The following MCOLN2 variants were observed in gnomAD, a reference collection of about 807,000 sequenced individuals.
MCOLN2 encodes the protein mucolipin-2.
Under a neutral mutation model 67.5 loss-of-function variants are expected in MCOLN2, and 57 were observed. That is an observed-to-expected ratio of 0.84 (90% confidence interval 0.68 to 1.05). The LOEUF (loss-of-function observed/expected upper bound fraction) is 1.05. Ranked by LOEUF, MCOLN2 falls within the 50% of genes least tolerant of loss-of-function variation. The pLI is 0.00. For missense variants in MCOLN2, 620 were observed against 678.8 expected, an observed-to-expected ratio of 0.91 and a Z score of 0.96; for synonymous variants, 246 against 233.3, an observed-to-expected ratio of 1.05 and a Z score of -0.50.
chr1:84,939,450 G>T, intron 9 of MCOLN2, 103 bp downstream of exon 9: 1 of 1,151,828 alleles, frequency 8.7e-7, no homozygotes, highest in Non-Finnish European at 1.3e-6. Context: ...GAAAAGGGAA[G>T]ACACGAGAAT....
chr1:84,946,479 G>A (rs1317051516), intron 7 of MCOLN2, among the ~76,000 whole-genome samples: 2 of 152,068 alleles, frequency 1.3e-5, no homozygotes, highest in East Asian at 3.8e-4. Flanking sequence ...TATCCAGAAT[G>A]ATTTGGGACC....
At chr1:84,952,198 A>G (rs1486397868) in intron 6 of MCOLN2, 45 bp downstream of exon 6, 1 of 1,355,648 alleles carries the variant, frequency 7.4e-7, no homozygotes, top group South Asian at 1.3e-5. Flanking sequence ...CAAAAAGTGT[A>G]GGAAAAAAAT....
rs541560554 is a variant in MCOLN2, at chr1:84,926,653, A to G, written c.*32T>C. 4.4e-5 allele frequency: 68 copies of G among 1,539,902 alleles called. 1 individual carries two copies. In the South Asian group the frequency reaches 8.0e-4, roughly 18 times the overall value. On this transcript the variant is annotated 3_prime_UTR_variant, in exon 14 of 14. Transcript: ENST00000370608. ...TCCTCTGCTCAGCCGCTGGATAAGG[A>G]TGCCTGAACTTTAATCATCTTTAGC...
rs1011953186 is a variant in MCOLN2, at chr1:84,928,868, A to G, written c.1664+690T>C. On this transcript the variant is annotated intron_variant, in intron 13 of 13. Coordinates refer to ENST00000370608, the MANE Select transcript of MCOLN2 (RefSeq NM_153259.4). The stretch of plus-strand genomic sequence containing the variant: ...ATAGCTTCCTTCAGGAATTTGGGTT[A>G]CAGAGTCCTTCCAAAAAGAAAAAAC... Among the ~76,000 whole-genome samples the G allele has an allele frequency of 2.6e-5, 4 of 152,222 alleles. No individual in the cohort carries two copies. In the South Asian group the frequency reaches 8.3e-4, roughly 32 times the overall value.
rs533881248 is a variant in MCOLN2 at position 84,957,868 on chromosome 1, C to T, written c.411+661G>A. ...GATGCATCCTCAATGACTGGAATAA[C>T]ACCTGCTACATATTAGATACTTCAA... On this transcript the variant is annotated intron_variant, in intron 3 of 13. Transcript: ENST00000370608. 5.3e-5 allele frequency among the ~76,000 whole-genome samples: 8 copies of T among 152,322 alleles called. No individual in the cohort carries two copies. The East Asian group carries it at 5.8e-4, about 11-fold the overall frequency.
At chr1:84,964,313 G>GT (rs1284622093) in intron 2 of MCOLN2, among the ~76,000 whole-genome samples, 4 of 152,120 alleles carry the variant, frequency 2.6e-5, no homozygotes, top group African/African-American at 9.7e-5. Flanking sequence ...GTATTTTTAA[G>GT]TATTTATTTT....
At chr1:84,947,939 C>A (rs1470396072) in intron 6 of MCOLN2, among the ~76,000 whole-genome samples, 1 of 152,252 alleles carries the variant, frequency 6.6e-6, no homozygotes, top group Non-Finnish European at 1.5e-5. Context: ...CCCCTTCCTG[C>A]CCCTGCCCCT....
intron 3 of MCOLN2, among the ~76,000 whole-genome samples, chr1:84,957,839 C>T (rs1648874344): frequency 6.6e-6 from 1 of 152,292 alleles, no homozygotes; most frequent in East Asian, 1.9e-4. Flanking sequence ...CTGTTTTATT[C>T]ACTGATGCAT....
intron 11 of MCOLN2, among the ~76,000 whole-genome samples, chr1:84,935,401 G>A (rs1208756107): frequency 6.6e-6 from 1 of 152,144 alleles, no homozygotes; most frequent in Non-Finnish European, 1.5e-5. Context: ...GGGGTATAAA[G>A]GAAAGCTAAC....
rs528410844 is a variant in MCOLN2 at position 84,958,301 on chromosome 1, AG to A, written c.411+227del. Among the ~76,000 whole-genome samples the A allele has an allele frequency of 1.4e-4, 21 of 152,366 alleles. No homozygotes were observed. In the South Asian group the frequency reaches 3.3e-3, roughly 24 times the overall value. On this transcript the variant is annotated intron_variant, in intron 3 of 13. Transcript: ENST00000370608. ...TCTGGGGTAATTTTCCAAAAGCAGTAGGTATGAAGTGATAAATTAAAAAGAT... is the reference window on the plus strand; with the variant it reads ...TCTGGGGTAATTTTCCAAAAGCAGTAGTATGAAGTGATAAATTAAAAAGAT...
intron 1 of MCOLN2, among the ~76,000 whole-genome samples, chr1:84,982,765 C>A (rs914332887): frequency 2.0e-5 from 3 of 152,148 alleles, no homozygotes; most frequent in African/African-American, 4.8e-5. Context: ...TACAGTGGTG[C>A]GATCTTGACT....
At chr1:84,985,076 A>T (rs145209382) in intron 1 of MCOLN2, among the ~76,000 whole-genome samples, 1 of 151,996 alleles carries the variant, frequency 6.6e-6, no homozygotes, top group African/African-American at 2.4e-5. Flanking sequence ...AAACTTCTAC[A>T]TGGTCATATT....
chr1:84,938,141 T>G, intron 9 of MCOLN2, 59 bp from the exon 10 acceptor site: 1 of 1,242,718 alleles, frequency 8.0e-7, no homozygotes, highest in Non-Finnish European at 1.2e-6. Flanking sequence ...CCACTTAGCT[T>G]ATTAGCCTTA....
chr1:84,989,761 G>C (rs1404233045), intron 1 of MCOLN2, among the ~76,000 whole-genome samples: 1 of 152,058 alleles, frequency 6.6e-6, no homozygotes, highest in African/African-American at 2.4e-5. Flanking sequence ...TATTTACACA[G>C]GCAAAAGTTA....
chr1:84,990,911 G>C (rs533740422), intron 1 of MCOLN2, among the ~76,000 whole-genome samples: 2 of 151,758 alleles, frequency 1.3e-5, no homozygotes, highest in Non-Finnish European at 2.9e-5. Flanking sequence ...CTCCAGCCTG[G>C]GTGACAGAAC....
chr1:84,975,514 A>C (rs918633575), intron 1 of MCOLN2, among the ~76,000 whole-genome samples: 4 of 152,210 alleles, frequency 2.6e-5, no homozygotes, highest in Admixed American at 2.6e-4. Flanking sequence ...CTTAGATCAC[A>C]ATGCCCAAGT....
intron 9 of MCOLN2, among the ~76,000 whole-genome samples, chr1:84,938,913 T>C (rs1178459233): frequency 6.6e-6 from 1 of 151,800 alleles, no homozygotes; most frequent in Non-Finnish European, 1.5e-5. Flanking sequence ...ATCTCAGGGG[T>C]ATGAAGTAGA....
chr1:84,956,325 C>T, intron 4 of MCOLN2, 106 bp downstream of exon 4: 2 of 1,112,110 alleles, frequency 1.8e-6, no homozygotes, highest in Non-Finnish European at 1.3e-6. Flanking sequence ...AACAGGTTAG[C>T]TCTCACCAAA....
chr1:84,969,386 C>T (rs1312247620), intron 1 of MCOLN2, among the ~76,000 whole-genome samples: 1 of 152,078 alleles, frequency 6.6e-6, no homozygotes, highest in Non-Finnish European at 1.5e-5. Flanking sequence ...GCCTGACCAA[C>T]ACAGTGAAAC....
Sources: gnomAD v4.1 joint callset for allele counts (sites outside exome capture counted in the v4.1 genomes callset) on GRCh38, gnomAD v4.1.1 for gene constraint, MANE v1.5 for transcripts, NCBI Gene and HGNC (gene_info 2026-07-23, HGNC 2026-07-21) for gene names.